SYT9: variants seen among roughly 807,000 people sequenced by gnomAD.
SYT9 encodes the protein synaptotagmin-9.
A neutral mutation model predicts 48.4 loss-of-function variants in SYT9; 22 were observed. The ratio of observed to expected loss-of-function variants is 0.45; its 90% confidence interval spans 0.32 to 0.65. SYT9 has a LOEUF of 0.65. Ranked by LOEUF, SYT9 falls within the 30% of genes least tolerant of loss-of-function variation. The probability of loss-of-function intolerance (pLI) is 0.03; values close to 1 mark genes in which losing one functional copy is unlikely to be tolerated. For synonymous variants in SYT9, 265 were observed against 245.0 expected (o/e 1.08, Z -0.76); for missense variants, 577 against 622.0 (o/e 0.93, Z 0.77).
At chr11:7,279,311 A>G (rs73409545) in intron 1 of SYT9, among the ~76,000 whole-genome samples, 2,098 of 152,302 alleles carry the variant, frequency 0.014, 52 homozygotes, top group African/African-American at 0.049. Context: ...TCTTGACTTC[A>G]GCAATATTTT....
chr11:7,307,076 T>C (rs1024027939), intron 2 of SYT9, among the ~76,000 whole-genome samples: 1 of 152,220 alleles, frequency 6.6e-6, no homozygotes, highest in African/African-American at 2.4e-5. Flanking sequence ...GAAGGCCATT[T>C]GTCCCAGGTC....
intron 3 of SYT9, among the ~76,000 whole-genome samples, chr11:7,413,651 G>A (rs1847183202): frequency 6.6e-6 from 1 of 152,028 alleles, no homozygotes; most frequent in Non-Finnish European, 1.5e-5. Flanking sequence ...ACTTTTTTGT[G>A]GAATTCCAGT....
chr11:7,404,026 A>G (rs971819660), intron 3 of SYT9, among the ~76,000 whole-genome samples: 7 of 152,084 alleles, frequency 4.6e-5, no homozygotes, highest in Non-Finnish European at 7.4e-5. Context: ...TAATAGCTCT[A>G]TTTGTCCCTG....
At chr11:7,398,673 A>G (rs1846811467) in intron 3 of SYT9, among the ~76,000 whole-genome samples, 1 of 152,172 alleles carries the variant, frequency 6.6e-6, no homozygotes, top group South Asian at 2.1e-4. Flanking sequence ...TTTTAGCATC[A>G]GTATATTACT....
intron 1 of SYT9, among the ~76,000 whole-genome samples, chr11:7,302,435 A>G (rs1848939381): frequency 6.6e-6 from 1 of 152,200 alleles, no homozygotes; most frequent in Non-Finnish European, 1.5e-5. Flanking sequence ...CCCAAACTAC[A>G]ATATTCTATC....
intron 1 of SYT9, among the ~76,000 whole-genome samples, chr11:7,273,359 T>C (rs1048673191): frequency 9.2e-5 from 14 of 152,144 alleles, no homozygotes; most frequent in African/African-American, 3.1e-4. Context: ...TTTTTGTTTG[T>C]TTGTTTTTTG....
chr11:7,419,877 CAG>C, intron 5 of SYT9, among the ~76,000 whole-genome samples: 1 of 152,052 alleles, frequency 6.6e-6, no homozygotes. Flanking sequence ...GCGTGGGTGA[CAG>C]AGTGAGACTC....
At chr11:7,367,520 T>C (rs1449701825) in intron 3 of SYT9, among the ~76,000 whole-genome samples, 2 of 152,172 alleles carry the variant, frequency 1.3e-5, no homozygotes, top group Non-Finnish European at 2.9e-5. Flanking sequence ...AAATATGGCA[T>C]GGTGATTTTG....
At chr11:7,281,856 A>G (rs1310288791) in intron 1 of SYT9, among the ~76,000 whole-genome samples, 1 of 152,182 alleles carries the variant, frequency 6.6e-6, no homozygotes, top group African/African-American at 2.4e-5. Context: ...CTTGTAAGCA[A>G]ATTGTTAAAT....
intron 3 of SYT9, among the ~76,000 whole-genome samples, chr11:7,340,895 G>A (rs748672047): frequency 1.2e-4 from 18 of 152,302 alleles, no homozygotes; most frequent in Middle Eastern, 3.4e-3. Flanking sequence ...CAAACACTCT[G>A]GCTACTTTTT....
At chr11:7,314,825 G>A (rs141838499) in intron 3 of SYT9, among the ~76,000 whole-genome samples, 114 of 152,294 alleles carry the variant, frequency 7.5e-4, no homozygotes, top group African/African-American at 2.6e-3. Flanking sequence ...GGCCAGCGTA[G>A]CTCTCTTTCT....
intron 3 of SYT9, among the ~76,000 whole-genome samples, chr11:7,328,549 C>T (rs191319722): frequency 4.6e-4 from 70 of 152,196 alleles, no homozygotes; most frequent in African/African-American, 1.6e-3. Context: ...ACTCCAGTTA[C>T]CTCCATTCCA....
chr11:7,390,325 A>G (rs756958607), intron 3 of SYT9, among the ~76,000 whole-genome samples: 1 of 152,168 alleles, frequency 6.6e-6, no homozygotes, highest in African/African-American at 2.4e-5. Context: ...ACAGCTGCAT[A>G]GTATTCCACT....
intron 4 of SYT9, 127 bp downstream of exon 4, chr11:7,416,289 A>T (rs1847246919): frequency 9.0e-7 from 1 of 1,109,606 alleles, no homozygotes; most frequent in Non-Finnish European, 1.3e-6. Flanking sequence ...CCCTAGTCCT[A>T]ACACCTGTGT....
chr11:7,328,898 C>G (rs925731140), intron 3 of SYT9, among the ~76,000 whole-genome samples: 1 of 152,070 alleles, frequency 6.6e-6, no homozygotes, highest in Non-Finnish European at 1.5e-5. Context: ...AGTATCTATT[C>G]TTTTAGAATC....
intron 6 of SYT9, among the ~76,000 whole-genome samples, chr11:7,434,608 G>A (rs1279425156): frequency 2.0e-5 from 3 of 152,182 alleles, no homozygotes; most frequent in African/African-American, 7.2e-5. Context: ...GGCTATGGAA[G>A]ATCGTATCAC....
Position 7,420,519 on chromosome 11 carries a change from G to A in SYT9, c.1351G>A (p.Glu451Lys), listed in dbSNP as rs772941356. Residue 451 changes from glutamate to lysine, a missense_variant, in exon 6 of 7, where the codon GAG becomes AAG. Physicochemically the swap from Glu to Lys is moderately conservative, Grantham distance 56. Transcript: ENST00000318881. ...CCATTTTCACAGTGTAGGTCACAAT[G>A]AGATCATCGGCGTGTGTCAAGTAGG... Reference protein sequence around the residue: ...VMDYDRVGHNEIIGVCQVGNE... With the variant: ...VMDYDRVGHNKIIGVCQVGNE... 26 of 1,614,012 alleles carry A rather than the reference G, an allele frequency of 1.6e-5. No individual in the cohort carries two copies. The Admixed American group carries it at 2.5e-4, about 16-fold the overall frequency.
intron 2 of SYT9, among the ~76,000 whole-genome samples, chr11:7,303,825 T>A (rs2133938723): frequency 6.6e-6 from 1 of 152,292 alleles, no homozygotes; most frequent in Middle Eastern, 3.4e-3. Flanking sequence ...CCTGCTGCCC[T>A]CCTACTGCTT....
At chr11:7,357,016 G>C (rs181068454) in intron 3 of SYT9, among the ~76,000 whole-genome samples, 84 of 152,252 alleles carry the variant, frequency 5.5e-4, no homozygotes, top group African/African-American at 1.9e-3. Flanking sequence ...TGAACCAAAG[G>C]GGTAAAATCT....
Sources: gnomAD v4.1 joint callset for allele counts (sites outside exome capture counted in the v4.1 genomes callset) on GRCh38, gnomAD v4.1.1 for gene constraint, MANE v1.5 for transcripts, NCBI Gene and HGNC (gene_info 2026-07-23, HGNC 2026-07-21) for gene names.